Variants in RPN1 observed in about 807,000 individuals in gnomAD.
RPN1 encodes the protein ribophorin I, also known as dolichyl-diphosphooligosaccharide--protein glycosyltransferase subunit 1.
In RPN1, 12 loss-of-function variants were observed where a neutral mutation model predicts 55.5. That is an observed-to-expected ratio of 0.22 (90% CI 0.14 to 0.35). RPN1 has a LOEUF of 0.35. Ranked by LOEUF, RPN1 falls within the 10% of genes least tolerant of loss-of-function variation. The pLI is 1.00. For synonymous variants in RPN1, 317 were observed against 305.9 expected, an observed-to-expected ratio of 1.04 and a Z score of -0.38; for missense variants, 679 against 761.3, an observed-to-expected ratio of 0.89 and a Z score of 1.27.
At chr3:128,647,771 ATTTG>A (rs2107723170) in intron 1 of RPN1, among the ~76,000 whole-genome samples, 2 of 152,122 alleles carry the variant, frequency 1.3e-5, no homozygotes, top group Non-Finnish European at 2.9e-5. Flanking sequence ...ATACAGACTT[ATTTG>A]TTTTATTGAA....
At chr3:128,642,270 C>G (rs901574066) in intron 2 of RPN1, 2 of 152,138 alleles carry the variant, frequency 1.3e-5, no homozygotes, top group African/African-American at 4.8e-5. Context: ...AAGATAATCA[C>G]CAAGAAAAAT....
intron 9 of RPN1, 124 bp downstream of exon 9, chr3:128,622,040 C>T: frequency 1.1e-6 from 1 of 950,834 alleles, no homozygotes; most frequent in Non-Finnish European, 1.6e-6. Flanking sequence ...AAAGTTATGG[C>T]CAGATGCAGT....
chr3:128,627,468 G>A (rs1041641637), intron 5 of RPN1, among the ~76,000 whole-genome samples: 3 of 152,104 alleles, frequency 2.0e-5, no homozygotes, highest in African/African-American at 7.2e-5. Context: ...TCCCTCCTTC[G>A]GAAAGGTCAC....
At chr3:128,626,647 G>A (rs2069601831) in intron 6 of RPN1, 86 bp downstream of exon 6, 1 of 1,131,292 alleles carries the variant, frequency 8.8e-7, no homozygotes, top group Admixed American at 1.8e-5. Flanking sequence ...CAAAGACTGT[G>A]CCCCTAGAAC....
chr3:128,644,909 G>C lies in RPN1; in HGVS notation c.326+10C>G. The C allele has an allele frequency of 6.8e-7, 1 of 1,466,210 alleles. No homozygotes were observed. Among genetic ancestry groups the C allele is most frequent in the Non-Finnish European group, 9.6e-7 (1 of 1,045,250 alleles). 90.8% of individuals were successfully genotyped at this position (1,466,210 alleles called of 1,614,324 possible). On this transcript the variant is annotated intron_variant, in intron 2 of 9. Transcript: ENST00000296255. ...TAACAAGAGACAAGGTATATTGTTTGTCAGCTTACCTTTTACCCTTAATTT... is the reference window on the plus strand; with the variant it reads ...TAACAAGAGACAAGGTATATTGTTTCTCAGCTTACCTTTTACCCTTAATTT...
In RPN1 at chr3:128,629,927, T is replaced by G. The variant is rs768357286; in HGVS notation, c.1036+24A>C. The G allele has an allele frequency of 6.6e-6, 9 of 1,355,338 alleles. 1 individual carries two copies. The highest frequency in any genetic ancestry group is 9.3e-6 in the Non-Finnish European group (9 of 966,066). 84.0% of individuals were successfully genotyped at this position (1,355,338 alleles called of 1,614,324 possible). On this transcript the variant is annotated intron_variant, in intron 5 of 9. Transcript: ENST00000296255. ...CACGAAATTAAAGAAAAGGTTAGTTTCTCCCTTACTATTGAAGACTGACCC... is the reference window on the plus strand; with the variant it reads ...CACGAAATTAAAGAAAAGGTTAGTTGCTCCCTTACTATTGAAGACTGACCC...
chr3:128,637,660 G>T, intron 3 of RPN1, 139 bp downstream of exon 3: 1 of 842,558 alleles, frequency 1.2e-6, no homozygotes, highest in Non-Finnish European at 1.9e-6. Context: ...TTCACTGCAG[G>T]TTAAACACTT....
At chr3:128,645,327 A>C (rs2069758338) in intron 1 of RPN1, among the ~76,000 whole-genome samples, 1 of 151,984 alleles carries the variant, frequency 6.6e-6, no homozygotes, top group South Asian at 2.1e-4. Flanking sequence ...CAAATTAGCT[A>C]GGCATGGTGG....
chr3:128,644,144 A>G (rs2107721611), intron 2 of RPN1, among the ~76,000 whole-genome samples: 1 of 152,110 alleles, frequency 6.6e-6, no homozygotes, highest in Middle Eastern at 3.4e-3. Flanking sequence ...CATAGATAGG[A>G]GAATACTTGC....
In RPN1 at chr3:128,638,069, A is replaced by G. The variant is rs772149499; in HGVS notation, c.363T>C (p.Leu121=). Residue 121 remains leucine, a synonymous_variant, in exon 3 of 10, where the codon CTT becomes CTC. Coordinates refer to ENST00000296255, the MANE Select transcript of RPN1 (RefSeq NM_002950.4). ...TGACTGAAATCTTGGCCCCAGGATC[A>G]AGAGCAACTGGGAGCTTGACTGTGA... The part of the protein sequence containing the change: ...RFFTVKLPVA[L]DPGAKISVIV... The G allele has an allele frequency of 6.2e-6, 10 of 1,614,096 alleles. No individual in the cohort carries two copies. The South Asian group carries it at 1.1e-4, about 18-fold the overall frequency.
In RPN1 at chr3:128,637,112, C is replaced by G. The variant is rs145303757; in HGVS notation, c.633+687G>C. 8.2e-4 allele frequency among the ~76,000 whole-genome samples: 124 copies of G among 152,122 alleles called. 2 individuals carry two copies. The highest frequency in any genetic ancestry group is 2.9e-3 in the African/African-American group (119 of 41,518). ...AATTAACTGGGCATGGTGACGCACA[C>G]CTGTCACTCCAGCTACATGGGAGGC... On this transcript the variant is annotated intron_variant, in intron 3 of 9. Transcript: ENST00000296255.
At position 128,629,975 on chromosome 3, in the gene RPN1, T is replaced by C; in HGVS notation, c.1012A>G (p.Ser338Gly). The change falls in exon 5 of 10, where the codon AGC becomes GGC. Residue 338 changes from serine to glycine, a missense_variant. Coordinates refer to ENST00000296255, the MANE Select transcript of RPN1 (RefSeq NM_002950.4). The stretch of plus-strand genomic sequence containing the variant: ...CCCAAATTATAGAGGTACTCATAGC[T>C]TGGGAGGTTGTAGCCAACGATGTAA... ...THYIVGYNLP[S>G]YEYLYNLGDQ... 2 of 1,612,080 alleles carry C rather than the reference T, an allele frequency of 1.2e-6. No homozygotes were observed. Among genetic ancestry groups the C allele is most frequent in the Non-Finnish European group, 1.7e-6 (2 of 1,178,244 alleles).
In RPN1 at chr3:128,637,925, C is replaced by G; in HGVS notation, c.507G>C (p.Lys169Asn). Residue 169 changes from lysine to asparagine, a missense_variant, in exon 3 of 10, where the codon AAG becomes AAC. This residue lies in a region of RPN1 where 352 missense variants were observed against 352.8 expected (regional missense o/e 1.00). Coordinates refer to ENST00000296255, the MANE Select transcript of RPN1 (RefSeq NM_002950.4). ...CAAGCTTCACACGCATGGTTTGTGT[C>G]TTCGTTGGATAGGGAGAGTAGAAAT... ...NHYFYSPYPT[K>N]TQTMRVKLAS... 6.2e-7 allele frequency: 1 copy of G among 1,614,208 alleles called. No individual in the cohort carries two copies. The highest frequency in any genetic ancestry group is 8.5e-7 in the Non-Finnish European group (1 of 1,180,042).
chr3:128,634,145 G>A (rs1473497188), intron 3 of RPN1, among the ~76,000 whole-genome samples: 2 of 152,006 alleles, frequency 1.3e-5, no homozygotes, highest in East Asian at 3.9e-4. Flanking sequence ...GGCCAACATG[G>A]TGAAACCCTG....
At chr3:128,648,572 G>A (rs991862047) in intron 1 of RPN1, among the ~76,000 whole-genome samples, 28 of 151,106 alleles carry the variant, frequency 1.9e-4, no homozygotes, top group African/African-American at 6.1e-4. Context: ...AAAAAAAAAA[G>A]AAAAAGAAAA....
chr3:128,626,011 TC>T lies in RPN1; in HGVS notation c.1137del (p.Asn380ThrfsTer29). ...TVKIILPEGA[K>X]NIEIDSPYEI... is the part of the protein sequence containing the mutation. The stretch of plus-strand genomic sequence containing the variant: ...TCATAGGGACTATCAATTTCAATGT[TC>T]CTGGAAGAAGATGGGAATAAAATAT... On this transcript the variant is annotated frameshift_variant and splice_region_variant, in exon 7 of 10. Transcript: ENST00000296255. LOFTEE classifies it high-confidence loss of function. 6.3e-7 allele frequency: 1 copy of T among 1,596,448 alleles called. No individual in the cohort carries two copies. The highest frequency in any genetic ancestry group is 8.5e-7 in the Non-Finnish European group (1 of 1,173,084).
chr3:128,638,668 T>G (rs2069701949), intron 2 of RPN1, among the ~76,000 whole-genome samples: 1 of 152,052 alleles, frequency 6.6e-6, no homozygotes. Flanking sequence ...AATTACTATA[T>G]TAAAGGTGAT....
chr3:128,645,807 G>A lies in RPN1; in HGVS notation c.262-824C>T, dbSNP rs143564781. On this transcript the variant is annotated intron_variant, in intron 1 of 9. Transcript: ENST00000296255. The stretch of plus-strand genomic sequence containing the variant: ...TGCACTCTAGCCTGGGTGACAGAGC[G>A]AGACTCTGTCTCAAAAAAAGAAATA... Among the ~76,000 whole-genome samples the A allele has an allele frequency of 7.1e-3, 1,079 of 152,184 alleles. 20 individuals carry two copies. Among genetic ancestry groups the A allele is most frequent in the African/African-American group, 0.024 (1,002 of 41,518 alleles).
chr3:128,627,798 A>T (rs75537534), intron 5 of RPN1, among the ~76,000 whole-genome samples: 1 of 5,114 alleles, frequency 2.0e-4, no homozygotes, highest in Non-Finnish European at 4.1e-4. Context: ...AGATTAAGTT[A>T]TATAAGAAAA....
Sources: allele counts gnomAD v4.1 joint callset (sites outside exome capture counted in the v4.1 genomes callset), GRCh38; gene constraint gnomAD v4.1.1; regional missense constraint gnomAD v4.1.1; transcripts MANE v1.5; gene names NCBI Gene and HGNC (gene_info 2026-07-23, HGNC 2026-07-21).